The following KIAA1217 variants were observed in gnomAD, a reference collection of about 807,000 sequenced individuals.
The protein encoded by KIAA1217 is sickle tail protein homolog.
A neutral mutation model predicts 163.9 loss-of-function variants in KIAA1217; 88 were observed. The observed-to-expected ratio is 0.54, with a 90% CI of 0.45 to 0.64. The LOEUF (loss-of-function observed/expected upper bound fraction) is 0.64. Among genes scored for constraint, KIAA1217 ranks in the 30% least tolerant of loss-of-function variants. The pLI is 0.00. For synonymous variants in KIAA1217, 903 were observed against 923.1 expected (o/e 0.98, Z 0.39); for missense variants, 2,372 against 2,475.0 (o/e 0.96, Z 0.88).
chr10:24,150,546 C>T (rs1403053826), intron 2 of KIAA1217, among the ~76,000 whole-genome samples: 1 of 152,218 alleles, frequency 6.6e-6, no homozygotes, highest in Admixed American at 6.5e-5. Context: ...CATTCCCTCC[C>T]TCCCTTCTTC....
In KIAA1217 at chr10:23,868,979, T is replaced by C. The variant is rs1449357598; in HGVS notation, c.-320-138246T>C. Among the ~76,000 whole-genome samples the C allele has an allele frequency of 3.3e-5, 5 of 152,140 alleles. No homozygotes were observed. In the East Asian group the frequency reaches 9.6e-4, roughly 29 times the overall value. On this transcript the variant is annotated intron_variant, in intron 1 of 18. Transcript: ENST00000376462. ...AACATTGCTGCAGGCAGTCTTGTCA[T>C]TGGAATTAAAGATTCTCTGTTATAA...
chr10:23,835,887 G>GT (rs1309281132), intron 1 of KIAA1217, among the ~76,000 whole-genome samples: 2 of 151,904 alleles, frequency 1.3e-5, no homozygotes, highest in South Asian at 4.2e-4. Flanking sequence ...AGTTTTTGTT[G>GT]TTTTTTAAGC....
At chr10:23,745,476 A>G (rs889398071) in intron 1 of KIAA1217, among the ~76,000 whole-genome samples, 1 of 152,172 alleles carries the variant, frequency 6.6e-6, no homozygotes, top group Non-Finnish European at 1.5e-5. Flanking sequence ...TAACTTTTTC[A>G]TATTACTGAT....
intron 2 of KIAA1217, among the ~76,000 whole-genome samples, chr10:24,254,149 C>T (rs2074873646): frequency 2.0e-5 from 3 of 152,116 alleles, no homozygotes; most frequent in Admixed American, 2.0e-4. Flanking sequence ...AAGCTTCTCC[C>T]CTCTCCTGGC....
At chr10:24,477,814 A>G (rs926163785) in intron 6 of KIAA1217, among the ~76,000 whole-genome samples, 4 of 152,224 alleles carry the variant, frequency 2.6e-5, no homozygotes, top group Non-Finnish European at 5.9e-5. Context: ...CAGGAACATC[A>G]GAAACAATTA....
intron 2 of KIAA1217, among the ~76,000 whole-genome samples, chr10:24,223,943 T>G (rs752669325): frequency 9.1e-5 from 13 of 142,454 alleles, no homozygotes; most frequent in Non-Finnish European, 1.6e-4. Context: ...ATAAGAAGAA[T>G]GAGAGCATGC....
At chr10:24,091,184 A>G (rs1447354552) in intron 2 of KIAA1217, among the ~76,000 whole-genome samples, 1 of 151,812 alleles carries the variant, frequency 6.6e-6, no homozygotes, top group African/African-American at 2.4e-5. Context: ...TGCCTCACAA[A>G]TTGCTCTGCT....
At chr10:24,177,298 T>TATA (rs58744670) in intron 2 of KIAA1217, among the ~76,000 whole-genome samples, 10 of 68,606 alleles carry the variant, frequency 1.5e-4, no homozygotes, top group South Asian at 5.6e-4. Context: ...TATATATATA[T>TATA]TACAATTTCT....
chr10:24,073,184 C>A (rs763479464), intron 2 of KIAA1217, among the ~76,000 whole-genome samples: 1 of 151,938 alleles, frequency 6.6e-6, no homozygotes, highest in African/African-American at 2.4e-5. Flanking sequence ...AATTCGGGAG[C>A]GAGCGCTGGG....
At chr10:24,039,508 A>G (rs1848537340) in intron 2 of KIAA1217, among the ~76,000 whole-genome samples, 1 of 151,966 alleles carries the variant, frequency 6.6e-6, no homozygotes, top group Non-Finnish European at 1.5e-5. Context: ...AATGACAGAT[A>G]CTCTATAGTG....
At chr10:24,263,793 G>T (rs1443962482) in intron 2 of KIAA1217, among the ~76,000 whole-genome samples, 3 of 152,052 alleles carry the variant, frequency 2.0e-5, no homozygotes, top group Admixed American at 1.3e-4. Context: ...CCATTGAAAA[G>T]GTTTGGGAGG....
chr10:23,873,188 A>G (rs1203493751), intron 1 of KIAA1217, among the ~76,000 whole-genome samples: 1 of 152,078 alleles, frequency 6.6e-6, no homozygotes, highest in Non-Finnish European at 1.5e-5. Context: ...ATAACTTTCC[A>G]TACCTTAATA....
chr10:23,852,128 T>C (rs1839374478), intron 1 of KIAA1217, among the ~76,000 whole-genome samples: 1 of 152,170 alleles, frequency 6.6e-6, no homozygotes, highest in African/African-American at 2.4e-5. Context: ...GGTTTTCTTC[T>C]AGGGTTTTTA....
At chr10:24,283,525 G>A (rs2132273275) in intron 2 of KIAA1217, among the ~76,000 whole-genome samples, 1 of 152,262 alleles carries the variant, frequency 6.6e-6, no homozygotes, top group African/African-American at 2.4e-5. Flanking sequence ...AAATTAGCCA[G>A]AAGTGGTGGT....
At chr10:23,740,797 G>A (rs1284983028) in intron 1 of KIAA1217, among the ~76,000 whole-genome samples, 13 of 151,740 alleles carry the variant, frequency 8.6e-5, no homozygotes, top group African/African-American at 1.7e-4. Context: ...AAAAATGGGC[G>A]CATGCCTGTA....
rs2050603357 is a variant in KIAA1217, at chr10:24,365,168, G to A, written c.355-15701G>A. ...AGCAATGGCTGTAGCGACTTTCCTT[G>A]CCCCCGTTTCTCCATATTTCATTTT... On this transcript the variant is annotated intron_variant, in intron 2 of 20. Coordinates refer to ENST00000376454, the MANE Select transcript of KIAA1217 (RefSeq NM_019590.5). 1.3e-5 allele frequency among the ~76,000 whole-genome samples: 2 copies of A among 152,052 alleles called. 1 individual carries two copies. Among genetic ancestry groups the A allele is most frequent in the South Asian group, 4.1e-4 (2 of 4,824 alleles).
At chr10:24,178,312 C>T (rs1418850400) in intron 2 of KIAA1217, among the ~76,000 whole-genome samples, 5 of 152,218 alleles carry the variant, frequency 3.3e-5, no homozygotes, top group Non-Finnish European at 7.3e-5. Context: ...AATACTTTCA[C>T]ATTGAATTCT....
intron 2 of KIAA1217, among the ~76,000 whole-genome samples, chr10:24,291,436 A>G (rs956426059): frequency 6.6e-6 from 1 of 152,222 alleles, no homozygotes; most frequent in African/African-American, 2.4e-5. Flanking sequence ...TGGCTGAAGC[A>G]AGAGAATCAC....
At chr10:24,059,872 G>A (rs920555999) in intron 2 of KIAA1217, among the ~76,000 whole-genome samples, 13 of 152,060 alleles carry the variant, frequency 8.5e-5, no homozygotes, top group Admixed American at 3.9e-4. Flanking sequence ...GCCTCTATGC[G>A]AGTTTTCTAT....
Sources: allele counts gnomAD v4.1 joint callset (sites outside exome capture counted in the v4.1 genomes callset), GRCh38; gene constraint gnomAD v4.1.1; transcripts MANE v1.5; gene names NCBI Gene and HGNC (gene_info 2026-07-23, HGNC 2026-07-21).